The following SNX29 variants were observed in gnomAD, a reference collection of about 807,000 sequenced individuals.
SNX29 encodes the protein sorting nexin 29, also known as sorting nexin-29.
In SNX29, 78 loss-of-function variants were observed where a neutral mutation model predicts 102.1. The observed-to-expected ratio is 0.76, with a 90% CI of 0.64 to 0.92. SNX29 has a LOEUF of 0.92. Ranked by LOEUF, SNX29 falls within the 40% of genes least tolerant of loss-of-function variation. The probability of loss-of-function intolerance (pLI) is 0.00; values close to 1 mark genes in which losing one functional copy is unlikely to be tolerated. For synonymous variants in SNX29, 580 were observed against 414.5 expected (o/e 1.40, Z -4.85); for missense variants, 1,280 against 1,061.7 (o/e 1.21, Z -2.86).
chr16:12,145,018 GCC>G (rs1361184278), intron 13 of SNX29, among the ~76,000 whole-genome samples: 1 of 152,226 alleles, frequency 6.6e-6, no homozygotes, highest in Non-Finnish European at 1.5e-5. Context: ...GCTGCGCCCG[GCC>G]TCTTTGTGGG....
At position 12,304,259 on chromosome 16, in the gene SNX29, G is replaced by A. The variant is rs531754212; in HGVS notation, c.1782+26223G>A. Reference sequence around the variant, plus strand: ...CTTTAGCAAAAGTGGAGACCTTGTGGCATGTGGTTTTTGGTTCGGAACTTA... The same window carrying A: ...CTTTAGCAAAAGTGGAGACCTTGTGACATGTGGTTTTTGGTTCGGAACTTA... On this transcript the variant is annotated intron_variant, in intron 15 of 20. Transcript: ENST00000566228. Among the ~76,000 whole-genome samples the A allele has an allele frequency of 2.6e-5, 4 of 152,038 alleles. No homozygotes were observed. In the South Asian group the frequency reaches 8.3e-4, roughly 32 times the overall value.
intron 11 of SNX29, among the ~76,000 whole-genome samples, chr16:12,094,365 C>T (rs996110764): frequency 9.2e-5 from 14 of 152,120 alleles, no homozygotes; most frequent in African/African-American, 2.9e-4. Flanking sequence ...TCAAAGGGTA[C>T]GTTGCTGACG....
intron 18 of SNX29, among the ~76,000 whole-genome samples, chr16:12,467,496 T>G (rs1329290450): frequency 6.6e-6 from 1 of 152,104 alleles, no homozygotes; most frequent in Non-Finnish European, 1.5e-5. Context: ...CCTGCTTCTG[T>G]GGGATTGAGA....
intron 19 of SNX29, among the ~76,000 whole-genome samples, chr16:12,510,393 G>A (rs991448055): frequency 6.6e-6 from 1 of 152,156 alleles, no homozygotes; most frequent in African/African-American, 2.4e-5. Context: ...TAAGGAAGAG[G>A]CTGGGTGTGG....
At chr16:12,217,192 G>C (rs545573037) in intron 14 of SNX29, among the ~76,000 whole-genome samples, 4 of 152,170 alleles carry the variant, frequency 2.6e-5, no homozygotes, top group African/African-American at 9.6e-5. Context: ...TAATTTTTTT[G>C]TATTTTTTGT....
chr16:12,156,742 T>A (rs182569380), intron 13 of SNX29, among the ~76,000 whole-genome samples: 3 of 152,354 alleles, frequency 2.0e-5, no homozygotes, highest in Admixed American at 2.0e-4. Context: ...CTTGGCCAAA[T>A]GAATGAATTG....
intron 14 of SNX29, among the ~76,000 whole-genome samples, chr16:12,212,698 T>G (rs1324683221): frequency 1.3e-5 from 2 of 152,254 alleles, no homozygotes; most frequent in Non-Finnish European, 2.9e-5. Context: ...ATTTTTTTCA[T>G]GACTGATGTG....
rs532065847 is a variant in SNX29 at position 12,290,367 on chromosome 16, G to C, written c.1782+12331G>C. Among the ~76,000 whole-genome samples the C allele has an allele frequency of 2.0e-5, 3 of 151,988 alleles. No individual in the cohort carries two copies. The South Asian group carries it at 6.2e-4, about 32-fold the overall frequency. Reference sequence around the variant, plus strand: ...TATGAACCCTTTCCTGTCCGTTTTCGCTGGCTGACTTCTGATCTTTCAGAT... The same window carrying C: ...TATGAACCCTTTCCTGTCCGTTTTCCCTGGCTGACTTCTGATCTTTCAGAT... On this transcript the variant is annotated intron_variant, in intron 15 of 20. Transcript: ENST00000566228.
At chr16:12,546,738 G>C (rs954755447) in intron 20 of SNX29, 1 of 151,670 alleles carries the variant, frequency 6.6e-6, no homozygotes, top group Non-Finnish European at 1.5e-5. Flanking sequence ...TAAGAAGATA[G>C]GAGAAAATTA....
intron 13 of SNX29, among the ~76,000 whole-genome samples, chr16:12,157,901 G>A (rs2055621508): frequency 6.6e-6 from 1 of 152,208 alleles, no homozygotes; most frequent in African/African-American, 2.4e-5. Flanking sequence ...GGAGCCAGCT[G>A]CAGTGTCACC....
intron 11 of SNX29, among the ~76,000 whole-genome samples, chr16:12,092,003 T>G (rs994104109): frequency 1.8e-4 from 27 of 152,074 alleles, no homozygotes; most frequent in African/African-American, 6.5e-4. Flanking sequence ...GCAGCCCTAC[T>G]CGGCGGAGGT....
At chr16:12,365,237 G>A (rs2082426768) in intron 16 of SNX29, among the ~76,000 whole-genome samples, 1 of 152,042 alleles carries the variant, frequency 6.6e-6, no homozygotes, top group Non-Finnish European at 1.5e-5. Flanking sequence ...AGATACTTCT[G>A]TGGTGAAGCT....
At chr16:12,349,631 T>C (rs1483214500) in intron 15 of SNX29, among the ~76,000 whole-genome samples, 1 of 152,132 alleles carries the variant, frequency 6.6e-6, no homozygotes, top group Admixed American at 6.5e-5. Context: ...AAATTCAAAA[T>C]CCAAAATACT....
intron 13 of SNX29, among the ~76,000 whole-genome samples, chr16:12,141,372 G>C (rs1224878514): frequency 6.6e-6 from 1 of 152,216 alleles, no homozygotes; most frequent in African/African-American, 2.4e-5. Context: ...AATGGAAAGG[G>C]GTCTTGATTC....
chr16:12,554,198 G>C (rs1024719267), intron 20 of SNX29, among the ~76,000 whole-genome samples: 16 of 152,350 alleles, frequency 1.1e-4, no homozygotes, highest in African/African-American at 3.6e-4. Context: ...TAAACCATTT[G>C]AACGATGAGC....
intron 20 of SNX29, among the ~76,000 whole-genome samples, chr16:12,563,987 G>GC (rs139474238): frequency 0.25 from 38,205 of 150,236 alleles, 5,746 homozygotes; most frequent in East Asian, 0.43. Flanking sequence ...GGTTCCCTCT[G>GC]CCCCTGCAGC....
intron 19 of SNX29, among the ~76,000 whole-genome samples, chr16:12,523,509 G>C (rs1248146846): frequency 6.6e-6 from 1 of 152,152 alleles, no homozygotes; most frequent in Non-Finnish European, 1.5e-5. Context: ...CAAGCCAGGG[G>C]CTACTAGCAC....
intron 14 of SNX29, among the ~76,000 whole-genome samples, chr16:12,203,747 G>T (rs1285932806): frequency 6.6e-6 from 1 of 152,230 alleles, no homozygotes; most frequent in Non-Finnish European, 1.5e-5. Context: ...ACTCTTCCCA[G>T]GAGCATTTGC....
At chr16:12,443,801 TGA>T (rs2085916740) in intron 18 of SNX29, among the ~76,000 whole-genome samples, 1 of 152,264 alleles carries the variant, frequency 6.6e-6, no homozygotes, top group Non-Finnish European at 1.5e-5. Flanking sequence ...CTGTCATGTG[TGA>T]CTTTGGTCTA....
Sources: allele counts gnomAD v4.1 joint callset (sites outside exome capture counted in the v4.1 genomes callset), GRCh38; gene constraint gnomAD v4.1.1; transcripts MANE v1.5; gene names NCBI Gene and HGNC (gene_info 2026-07-23, HGNC 2026-07-21).